PDCD1LG2: variants seen among roughly 807,000 people sequenced by gnomAD.
PDCD1LG2 encodes programmed cell death 1 ligand 2, also known as B7 dendritic cell molecule.
A neutral mutation model predicts 28.2 loss-of-function variants in PDCD1LG2; 32 were observed. That is an observed-to-expected ratio of 1.13 (90% CI 0.86 to 1.52). The LOEUF is 1.52. PDCD1LG2 is among the 40% of genes most tolerant of loss of function. The pLI, the probability that PDCD1LG2 is intolerant of heterozygous loss-of-function variation, is 0.00. For missense variants in PDCD1LG2, 385 were observed against 323.8 expected (o/e 1.19, Z -1.45); for synonymous variants, 116 against 120.2 (o/e 0.97, Z 0.23).
intron 4 of PDCD1LG2, among the ~76,000 whole-genome samples, chr9:5,554,836 ACTCT>A (rs1454452619): frequency 2.0e-5 from 3 of 151,912 alleles, no homozygotes; most frequent in Non-Finnish European, 4.4e-5. Context: ...TAAATTTCAA[ACTCT>A]CTCTCTATTA....
At chr9:5,519,406 C>A (rs1264031400) in intron 1 of PDCD1LG2, among the ~76,000 whole-genome samples, 1 of 152,128 alleles carries the variant, frequency 6.6e-6, no homozygotes, top group East Asian at 1.9e-4. Context: ...GAGCGGCAGT[C>A]CCTTCAGGGT....
rs189192400 is a variant in PDCD1LG2 at position 5,531,763 on chromosome 9, G to A, written c.56-2982G>A. 3.5e-3 allele frequency among the ~76,000 whole-genome samples: 531 copies of A among 152,228 alleles called. 3 individuals carry two copies. Among genetic ancestry groups the A allele is most frequent in the African/African-American group, 0.012 (498 of 41,534 alleles). ...CAAAGTCATCTATTTAATTCTTGTT[G>A]TTATGCAGACTCAGCAACTAACCTT... On this transcript the variant is annotated intron_variant, in intron 2 of 6. Transcript: ENST00000397747.
chr9:5,518,049 C>G lies in PDCD1LG2; in HGVS notation c.-14-4484C>G, dbSNP rs567609577. Among the ~76,000 whole-genome samples the G allele has an allele frequency of 5.3e-5, 8 of 152,256 alleles. No homozygotes were observed. In the South Asian group the frequency reaches 1.7e-3, roughly 32 times the overall value. On this transcript the variant is annotated intron_variant, in intron 1 of 6. Coordinates refer to ENST00000397747, the MANE Select transcript of PDCD1LG2 (RefSeq NM_025239.4). ...AGAATTAACAGGACTAGGGGATGGG[C>G]CATATTTGCAAGATGAGAAATGCAG... is the stretch of plus-strand genomic sequence containing the variant.
At chr9:5,511,160 T>C (rs1820049863) in intron 1 of PDCD1LG2, among the ~76,000 whole-genome samples, 1 of 152,228 alleles carries the variant, frequency 6.6e-6, no homozygotes, top group Non-Finnish European at 1.5e-5. Flanking sequence ...ATGACTGACA[T>C]CTGTTTGTGA....
chr9:5,515,722 G>A (rs904506017), intron 1 of PDCD1LG2, among the ~76,000 whole-genome samples: 26 of 151,846 alleles, frequency 1.7e-4, no homozygotes, highest in African/African-American at 6.3e-4. Flanking sequence ...CAGAGTTCGA[G>A]ACCAGCTTGG....
At chr9:5,559,033 G>T (rs1816504047) in intron 5 of PDCD1LG2, among the ~76,000 whole-genome samples, 1 of 152,158 alleles carries the variant, frequency 6.6e-6, no homozygotes, top group South Asian at 2.1e-4. Flanking sequence ...CATACCTCAG[G>T]GTTCAAGGCC....
At chr9:5,514,063 C>T (rs1586788261) in intron 1 of PDCD1LG2, among the ~76,000 whole-genome samples, 1 of 152,268 alleles carries the variant, frequency 6.6e-6, no homozygotes, top group Non-Finnish European at 1.5e-5. Flanking sequence ...ATAAGACTGG[C>T]AGTATTTAAC....
chr9:5,537,898 TG>T (rs112483220), intron 3 of PDCD1LG2, among the ~76,000 whole-genome samples: 10 of 152,340 alleles, frequency 6.6e-5, no homozygotes, highest in African/African-American at 2.4e-4. Context: ...TAGATCTTAA[TG>T]CAGAACACCC....
At chr9:5,561,900 T>C (rs1376394445) in intron 5 of PDCD1LG2, among the ~76,000 whole-genome samples, 1 of 152,178 alleles carries the variant, frequency 6.6e-6, no homozygotes, top group Non-Finnish European at 1.5e-5. Flanking sequence ...ACCTCAGGCA[T>C]AAATGAGGTA....
intron 3 of PDCD1LG2, among the ~76,000 whole-genome samples, chr9:5,538,627 G>C (rs1447101231): frequency 6.6e-6 from 1 of 151,832 alleles, no homozygotes; most frequent in East Asian, 1.9e-4. Flanking sequence ...GGCGGAGCTT[G>C]TAGTGAGCCG....
intron 5 of PDCD1LG2, among the ~76,000 whole-genome samples, chr9:5,559,498 G>A (rs1203569258): frequency 2.0e-5 from 3 of 152,174 alleles, no homozygotes. Context: ...GGGACCTTGT[G>A]CTGCCATTTG....
At chr9:5,523,739 G>A (rs1330464132) in intron 2 of PDCD1LG2, among the ~76,000 whole-genome samples, 1 of 152,226 alleles carries the variant, frequency 6.6e-6, no homozygotes, top group African/African-American at 2.4e-5. Flanking sequence ...TCCATAGAGT[G>A]ATAAGGGAAA....
chr9:5,534,097 G>GA (rs979643943), intron 2 of PDCD1LG2, among the ~76,000 whole-genome samples: 5 of 151,728 alleles, frequency 3.3e-5, no homozygotes, highest in African/African-American at 7.3e-5. Context: ...TTTGTTTTCT[G>GA]AAAAAAAGGA....
intron 1 of PDCD1LG2, 92 bp from the exon 2 acceptor site, chr9:5,522,441 A>T (rs1820293189): frequency 1.1e-6 from 1 of 949,630 alleles, no homozygotes; most frequent in African/African-American, 1.7e-5. Flanking sequence ...TCCCCAAATG[A>T]TTTGTTATTC....
At chr9:5,527,653 A>C (rs1242435254) in intron 2 of PDCD1LG2, among the ~76,000 whole-genome samples, 2 of 152,122 alleles carry the variant, frequency 1.3e-5, no homozygotes, top group Admixed American at 6.5e-5. Flanking sequence ...CTAGGTTTTC[A>C]TTTCACTTGG....
At chr9:5,523,405 T>C (rs907388702) in intron 2 of PDCD1LG2, among the ~76,000 whole-genome samples, 1 of 152,174 alleles carries the variant, frequency 6.6e-6, no homozygotes, top group South Asian at 2.1e-4. Context: ...TGCTCATGAT[T>C]GAGAAATAAT....
intron 4 of PDCD1LG2, among the ~76,000 whole-genome samples, chr9:5,552,719 A>G (rs534532175): frequency 6.6e-6 from 1 of 152,298 alleles, no homozygotes; most frequent in South Asian, 2.1e-4. Flanking sequence ...CAGTGACTAA[A>G]TACCCATCTC....
At chr9:5,543,399 C>T (rs559888742) in intron 3 of PDCD1LG2, among the ~76,000 whole-genome samples, 4 of 152,124 alleles carry the variant, frequency 2.6e-5, no homozygotes, top group African/African-American at 4.8e-5. Flanking sequence ...ATTAGCCGGG[C>T]GTGGTGGCAG....
chr9:5,541,923 C>T (rs1236375081), intron 3 of PDCD1LG2, among the ~76,000 whole-genome samples: 1 of 152,142 alleles, frequency 6.6e-6, no homozygotes, highest in Admixed American at 6.5e-5. Flanking sequence ...CATTGCCTAA[C>T]TTCAAACCAT....
Sources: allele counts gnomAD v4.1 joint callset (sites outside exome capture counted in the v4.1 genomes callset), GRCh38; gene constraint gnomAD v4.1.1; transcripts MANE v1.5; gene names NCBI Gene and HGNC (gene_info 2026-07-23, HGNC 2026-07-21).